The following SERGEF variants were observed in gnomAD, a reference collection of about 807,000 sequenced individuals.
The protein encoded by SERGEF is secretion-regulating guanine nucleotide exchange factor.
Under a neutral mutation model 50.0 loss-of-function variants are expected in SERGEF, and 51 were observed. The observed-to-expected ratio is 1.02, with a 90% CI of 0.81 to 1.29. SERGEF has a LOEUF of 1.29. Ranked by LOEUF, SERGEF falls within the 50% of genes most tolerant of loss-of-function variation. SERGEF has a pLI of 0.00. For synonymous variants in SERGEF, 205 were observed against 212.4 expected, an observed-to-expected ratio of 0.97 and a Z score of 0.30; for missense variants, 521 against 557.0, an observed-to-expected ratio of 0.94 and a Z score of 0.65.
intron 10 of SERGEF, chr11:17,853,473 G>A (rs1850751541): frequency 6.6e-6 from 1 of 152,194 alleles, no homozygotes; most frequent in Admixed American, 6.5e-5. Context: ...TGACTGGGCT[G>A]GCCTTGTTTA....
At chr11:17,920,767 G>A (rs148874698) in intron 9 of SERGEF, among the ~76,000 whole-genome samples, 167 of 152,312 alleles carry the variant, frequency 1.1e-3, no homozygotes, top group African/African-American at 3.8e-3. Context: ...GCAGGTCTAC[G>A]TATGCATAGA....
chr11:17,890,882 A>G (rs1851520722), intron 9 of SERGEF, among the ~76,000 whole-genome samples: 1 of 152,228 alleles, frequency 6.6e-6, no homozygotes, highest in South Asian at 2.1e-4. Context: ...GTCAAATGAC[A>G]CAGAAGCAAA....
intron 8 of SERGEF, among the ~76,000 whole-genome samples, chr11:17,961,052 C>T (rs961723278): frequency 1.3e-5 from 2 of 152,200 alleles, no homozygotes; most frequent in African/African-American, 4.8e-5. Context: ...CTCCCCAGCT[C>T]TCCCCAGAAA....
intron 9 of SERGEF, among the ~76,000 whole-genome samples, chr11:17,934,106 T>A (rs80179475): frequency 2.6e-5 from 4 of 152,302 alleles, no homozygotes; most frequent in South Asian, 2.1e-4. Context: ...AATTTTTTTT[T>A]AATATTGAGA....
chr11:18,002,813 G>A (rs1452116030), intron 4 of SERGEF, among the ~76,000 whole-genome samples: 2 of 152,168 alleles, frequency 1.3e-5, no homozygotes, highest in East Asian at 1.9e-4. Flanking sequence ...CATAATGGTT[G>A]TCATTAAATA....
chr11:17,842,037 G>A (rs1475713435), intron 10 of SERGEF, among the ~76,000 whole-genome samples: 1 of 151,922 alleles, frequency 6.6e-6, no homozygotes, highest in Admixed American at 6.6e-5. Flanking sequence ...TTCTTTCGTA[G>A]CATTTATCCT....
intron 9 of SERGEF, among the ~76,000 whole-genome samples, chr11:17,936,836 T>A (rs1240420651): frequency 6.6e-6 from 1 of 152,154 alleles, no homozygotes; most frequent in Admixed American, 6.6e-5. Flanking sequence ...GGATCAAGGA[T>A]GAGAATGTGA....
chr11:17,832,543 A>C (rs1850328088), intron 10 of SERGEF, among the ~76,000 whole-genome samples: 1 of 152,204 alleles, frequency 6.6e-6, no homozygotes, highest in Non-Finnish European at 1.5e-5. Flanking sequence ...GAAAAAGTGG[A>C]AGTGACTTTG....
In SERGEF at chr11:17,920,063, C is replaced by T. The variant is rs139482071; in HGVS notation, c.1011+39407G>A. ...GGAATCGAGACTATCCTGGCTAAAA[C>T]GGTGAAACCCTGTCTCTACTAAAAA... On this transcript the variant is annotated intron_variant, in intron 9 of 10. Transcript: ENST00000265965. Among the ~76,000 whole-genome samples, 9 of 151,682 alleles carry T rather than the reference C, an allele frequency of 5.9e-5. No individual in the cohort carries two copies. In the East Asian group the frequency reaches 7.8e-4, roughly 13 times the overall value.
intron 9 of SERGEF, among the ~76,000 whole-genome samples, chr11:17,911,009 CTG>C (rs1851942309): frequency 6.6e-6 from 1 of 152,130 alleles, no homozygotes; most frequent in Non-Finnish European, 1.5e-5. Flanking sequence ...TACTTCAAGA[CTG>C]TGGCAACATT....
rs748660813 is a variant in SERGEF, at chr11:17,895,798, G to A, written c.1012-17554C>T. ...ATATTCCCTTTAGTCCTTTCCTATC[G>A]ATATTTGTCTGCATGTGAATAAAAT... On this transcript the variant is annotated intron_variant, in intron 9 of 10. Coordinates refer to ENST00000265965, the MANE Select transcript of SERGEF (RefSeq NM_012139.4). 2.6e-5 allele frequency among the ~76,000 whole-genome samples: 4 copies of A among 152,062 alleles called. No homozygotes were observed. In the East Asian group the frequency reaches 7.7e-4, roughly 29 times the overall value.
At chr11:17,798,736 G>A (rs1245948766) in intron 10 of SERGEF, among the ~76,000 whole-genome samples, 4 of 152,236 alleles carry the variant, frequency 2.6e-5, no homozygotes, top group South Asian at 2.1e-4. Context: ...GCTGCCTTGC[G>A]AGAGGGGGCA....
chr11:17,863,393 ACCTGGT>A (rs1236864609), intron 10 of SERGEF, among the ~76,000 whole-genome samples: 3 of 152,186 alleles, frequency 2.0e-5, no homozygotes, highest in Non-Finnish European at 2.9e-5. Flanking sequence ...GCTGTTGGAG[ACCTGGT>A]CCTAAGCTGT....
At chr11:17,949,272 T>C (rs1233350556) in intron 9 of SERGEF, among the ~76,000 whole-genome samples, 1 of 152,022 alleles carries the variant, frequency 6.6e-6, no homozygotes, top group Non-Finnish European at 1.5e-5. Context: ...TTGGGGAAGA[T>C]GGGGAACTAC....
chr11:17,902,761 G>T (rs765838385), intron 9 of SERGEF, among the ~76,000 whole-genome samples: 5 of 152,230 alleles, frequency 3.3e-5, no homozygotes, highest in Non-Finnish European at 7.3e-5. Flanking sequence ...CGCCTGCAAG[G>T]ATTAGCTGAA....
intron 1 of SERGEF, 128 bp downstream of exon 1, chr11:18,012,823 A>C: frequency 7.7e-6 from 10 of 1,300,364 alleles, no homozygotes; most frequent in Non-Finnish European, 6.1e-6. Context: ...CCAGCCCAGG[A>C]TCCTTCAACC....
At chr11:17,986,663 C>G (rs1853605648) in intron 8 of SERGEF, among the ~76,000 whole-genome samples, 1 of 152,204 alleles carries the variant, frequency 6.6e-6, no homozygotes, top group Non-Finnish European at 1.5e-5. Context: ...AGTCAACTAC[C>G]TGACTAGTTA....
At chr11:17,992,422 T>C (rs1380324536) in intron 7 of SERGEF, among the ~76,000 whole-genome samples, 1 of 152,190 alleles carries the variant, frequency 6.6e-6, no homozygotes, top group Non-Finnish European at 1.5e-5. Flanking sequence ...CTAGAGAGTA[T>C]ACACAGGTAG....
At chr11:17,952,846 C>T (rs563665538) in intron 9 of SERGEF, among the ~76,000 whole-genome samples, 1 of 152,168 alleles carries the variant, frequency 6.6e-6, no homozygotes, top group East Asian at 1.9e-4. Context: ...ACCTCCGTGA[C>T]CTCCCTGTTA....
Sources: gnomAD v4.1 joint callset for allele counts (sites outside exome capture counted in the v4.1 genomes callset) on GRCh38, gnomAD v4.1.1 for gene constraint, MANE v1.5 for transcripts, NCBI Gene and HGNC (gene_info 2026-07-23, HGNC 2026-07-21) for gene names.